DERA: variants seen among roughly 807,000 people sequenced by gnomAD.
DERA encodes the protein 2-deoxy-D-ribose 5-phosphate aldolase.
Under a neutral mutation model 41.1 loss-of-function variants are expected in DERA, and 15 were observed. The ratio of observed to expected loss-of-function variants is 0.37; its 90% confidence interval spans 0.24 to 0.56. The LOEUF is 0.56. Ranked by LOEUF, DERA falls within the 20% of genes least tolerant of loss-of-function variation. DERA has a pLI of 0.81. For synonymous variants in DERA, 139 were observed against 137.4 expected, an observed-to-expected ratio of 1.01 and a Z score of -0.08; for missense variants, 396 against 403.4, an observed-to-expected ratio of 0.98 and a Z score of 0.16.
At chr12:16,029,761 T>C (rs1272899704) in intron 6 of DERA, among the ~76,000 whole-genome samples, 1 of 152,020 alleles carries the variant, frequency 6.6e-6, no homozygotes, top group Non-Finnish European at 1.5e-5. Flanking sequence ...GTTGCTGCCA[T>C]AGTAGATCTT....
rs764511178 is a variant in DERA, at chr12:16,036,342, A to C, written c.861A>C (p.Arg287=). Residue 287 remains arginine (R), a synonymous_variant, in exon 8 of 9, where the codon CGA becomes CGC. Transcript: ENST00000428559. The surrounding 1 kb of genome is among the most constrained non-coding windows in gnomAD (Gnocchi z 4.9). The part of the protein sequence containing the change: ...GDEWLKPELF[R]IGASTLLSDI... ...AGTGGCTGAAGCCAGAACTCTTTCG[A>C]ATAGGTGCCAGTACTCTGCTCTCGG... The C allele has an allele frequency of 5.0e-6, 8 of 1,613,560 alleles. No individual in the cohort carries two copies. Among genetic ancestry groups the C allele is most frequent in the Non-Finnish European group, 6.8e-6 (8 of 1,179,672 alleles).
In DERA at chr12:15,994,082, A is replaced by G. The variant is rs980419213; in HGVS notation, c.637+11646A>G. 6.6e-6 allele frequency among the ~76,000 whole-genome samples: 1 copy of G among 152,370 alleles called. No individual in the cohort carries two copies. The highest frequency in any genetic ancestry group is 2.4e-5 in the African/African-American group (1 of 41,580). ...GAAATTGTGAAAAATGTAGCCCAAC[A>G]TATTCCAAAATCACAGAACTGCTTC... On this transcript the variant is annotated intron_variant, in intron 6 of 8. Transcript: ENST00000428559. This position sits in a 1 kb window ranked among gnomAD's most constrained non-coding sequence, Gnocchi z 4.8.
At position 16,011,208 on chromosome 12, in the gene DERA, A is replaced by G. The variant is rs994562246; in HGVS notation, c.638-21334A>G. The stretch of plus-strand genomic sequence containing the variant: ...AGAAAGCACAATCAAAAGGAAATTC[A>G]GTTGTTTAAAGCATATCTGGCTTAT... On this transcript the variant is annotated intron_variant, in intron 6 of 8. Coordinates refer to ENST00000428559, the MANE Select transcript of DERA (RefSeq NM_015954.4). This position sits in a 1 kb window ranked among gnomAD's most constrained non-coding sequence, Gnocchi z 4.7. Among the ~76,000 whole-genome samples the G allele has an allele frequency of 6.6e-6, 1 of 152,228 alleles. No individual in the cohort carries two copies. The highest frequency in any genetic ancestry group is 6.5e-5 in the Admixed American group (1 of 15,286).
At chr12:16,023,688 G>A (rs572097411) in intron 6 of DERA, among the ~76,000 whole-genome samples, 95 of 151,556 alleles carry the variant, frequency 6.3e-4, no homozygotes, top group Middle Eastern at 3.4e-3. Flanking sequence ...CGTTTTAGCC[G>A]GGATGGTCTC....
chr12:15,913,697 A>C lies in DERA; in HGVS notation c.31+2283A>C, dbSNP rs1948180294. Among the ~76,000 whole-genome samples, 1 of 152,198 alleles carries C rather than the reference A, an allele frequency of 6.6e-6. No homozygotes were observed. The highest frequency in any genetic ancestry group is 2.1e-4 in the South Asian group (1 of 4,828). ...AAAACATTGAGTTCCTTTGAGACTA[A>C]ACCTGACCCTCATGATTAAAAAGTC... On this transcript the variant is annotated intron_variant, in intron 1 of 8. Transcript: ENST00000428559. This position sits in a 1 kb window ranked among gnomAD's most constrained non-coding sequence, Gnocchi z 4.5.
In DERA at chr12:16,036,394, C is replaced by T. The variant is rs775970449; in HGVS notation, c.900+13C>T. Reference sequence around the variant, plus strand: ...CATTGAGAGGCAGGTGAGTAATCATCTCTGTCTTTGGAATAAATTAACAAG... The same window carrying T: ...CATTGAGAGGCAGGTGAGTAATCATTTCTGTCTTTGGAATAAATTAACAAG... On this transcript the variant is annotated intron_variant, in intron 8 of 8. Coordinates refer to ENST00000428559, the MANE Select transcript of DERA (RefSeq NM_015954.4). The surrounding 1 kb of genome is among the most constrained non-coding windows in gnomAD (Gnocchi z 4.9). 3.8e-6 allele frequency: 6 copies of T among 1,575,070 alleles called. No homozygotes were observed. The highest frequency in any genetic ancestry group is 5.2e-6 in the Non-Finnish European group (6 of 1,164,616).
rs968173930 is a variant in DERA, at chr12:16,008,290, T to C, written c.638-24252T>C. On this transcript the variant is annotated intron_variant, in intron 6 of 8. Transcript: ENST00000428559. This position sits in a 1 kb window ranked among gnomAD's most constrained non-coding sequence, Gnocchi z 4.8. Reference sequence around the variant, plus strand: ...TACTCCGTGGCTTCTCACTTTTAGCTTTTCCTAATATTTCCTAATAGCTTT... The same window carrying C: ...TACTCCGTGGCTTCTCACTTTTAGCCTTTCCTAATATTTCCTAATAGCTTT... 3.3e-5 allele frequency among the ~76,000 whole-genome samples: 5 copies of C among 152,252 alleles called. No homozygotes were observed. The highest frequency in any genetic ancestry group is 9.6e-5 in the African/African-American group (4 of 41,466).
rs1432552508 is a variant in DERA, at chr12:15,990,360, A to G, written c.637+7924A>G. On this transcript the variant is annotated intron_variant, in intron 6 of 8. Transcript: ENST00000428559. The surrounding 1 kb of genome is among the most constrained non-coding windows in gnomAD (Gnocchi z 4.3). ...AAAGAAAGGTACAAAAGAATGATTAATTGAGAATCACAATTAGATGTGGTC... is the reference window on the plus strand; with the variant it reads ...AAAGAAAGGTACAAAAGAATGATTAGTTGAGAATCACAATTAGATGTGGTC... Among the ~76,000 whole-genome samples the G allele has an allele frequency of 6.6e-6, 1 of 152,210 alleles. No individual in the cohort carries two copies. The highest frequency in any genetic ancestry group is 2.4e-5 in the African/African-American group (1 of 41,464).
chr12:15,956,961 A>G lies in DERA; in HGVS notation c.57A>G (p.Gln19=), dbSNP rs761913704. Residue 19 remains glutamine, a synonymous_variant, in exon 2 of 9, where the codon CAA becomes CAG. Transcript: ENST00000428559. ...ELDLSWISKI[Q]VNHPAVLRRA... The stretch of plus-strand genomic sequence containing the variant: ...ACCTTAGCTGGATCTCCAAAATACA[A>G]GTGAATCACCCGGCAGTTCTGAGGC... The G allele has an allele frequency of 3.7e-6, 6 of 1,613,832 alleles. No homozygotes were observed. In the African/African-American group the frequency reaches 6.7e-5, roughly 18 times the overall value.
At chr12:15,973,359 T>C (rs1592028254) in intron 5 of DERA, among the ~76,000 whole-genome samples, 2 of 152,348 alleles carry the variant, frequency 1.3e-5, no homozygotes, top group Admixed American at 1.3e-4. Flanking sequence ...TTTTGTTAAA[T>C]TTTGCATTAT....
At chr12:15,968,014 A>AT (rs751786917) in intron 5 of DERA, among the ~76,000 whole-genome samples, 4 of 151,684 alleles carry the variant, frequency 2.6e-5, no homozygotes, top group African/African-American at 7.3e-5. Context: ...CCTCCAGGTG[A>AT]TTTTGTTCTC....
chr12:16,029,384 G>A (rs535690370), intron 6 of DERA, among the ~76,000 whole-genome samples: 25 of 152,158 alleles, frequency 1.6e-4, no homozygotes, highest in Non-Finnish European at 3.4e-4. Flanking sequence ...CCGAGATCGC[G>A]CCACTGCACT....
chr12:16,019,098 A>G lies in DERA; in HGVS notation c.638-13444A>G, dbSNP rs139705669. ...GTTGGTAATTCAAAATGTAGCATTTATTTCTCTAAAGTAATTTCGTTTTAG... is the reference window on the plus strand; with the variant it reads ...GTTGGTAATTCAAAATGTAGCATTTGTTTCTCTAAAGTAATTTCGTTTTAG... On this transcript the variant is annotated intron_variant, in intron 6 of 8. Coordinates refer to ENST00000428559, the MANE Select transcript of DERA (RefSeq NM_015954.4). This position sits in a 1 kb window ranked among gnomAD's most constrained non-coding sequence, Gnocchi z 4.4. Among the ~76,000 whole-genome samples, 2 of 152,302 alleles carry G rather than the reference A, an allele frequency of 1.3e-5. No individual in the cohort carries two copies. Among genetic ancestry groups the G allele is most frequent in the African/African-American group, 4.8e-5 (2 of 41,572 alleles).
chr12:16,030,334 T>A (rs1052975708), intron 6 of DERA, among the ~76,000 whole-genome samples: 1 of 152,152 alleles, frequency 6.6e-6, no homozygotes, highest in South Asian at 2.1e-4. Context: ...AATCAAAAGA[T>A]GCCACATATT....
In DERA at chr12:15,983,425, C is replaced by T. The variant is rs999265294; in HGVS notation, c.637+989C>T. 8.5e-5 allele frequency among the ~76,000 whole-genome samples: 13 copies of T among 152,160 alleles called. No individual in the cohort carries two copies. Among genetic ancestry groups the T allele is most frequent in the African/African-American group, 2.4e-4 (10 of 41,432 alleles). The stretch of plus-strand genomic sequence containing the variant: ...CCATCCAACCTTTTGAGTCTTTGTA[C>T]GTTCTGTGCCTCCTGCCCGGAATGC... On this transcript the variant is annotated intron_variant, in intron 6 of 8. Transcript: ENST00000428559. The surrounding 1 kb of genome is among the most constrained non-coding windows in gnomAD (Gnocchi z 6.2).
chr12:15,912,460 A>G (rs553892006), intron 1 of DERA, among the ~76,000 whole-genome samples: 17 of 152,350 alleles, frequency 1.1e-4, no homozygotes, highest in African/African-American at 4.1e-4. Flanking sequence ...GTCTCGTTTA[A>G]GTATTATAGC....
At chr12:15,974,318 G>A (rs185000626) in intron 5 of DERA, among the ~76,000 whole-genome samples, 23 of 152,300 alleles carry the variant, frequency 1.5e-4, no homozygotes, top group Admixed American at 1.1e-3. Context: ...TTTATTAGGT[G>A]TAGTATCAGT....
At chr12:15,923,883 T>A (rs1948263928) in intron 1 of DERA, among the ~76,000 whole-genome samples, 1 of 152,186 alleles carries the variant, frequency 6.6e-6, no homozygotes, top group African/African-American at 2.4e-5. Context: ...TTTCTTGTTG[T>A]TTTTTCAAAT....
Position 15,970,265 on chromosome 12 carries a change from T to A in DERA, c.508+7318T>A, listed in dbSNP as rs1948650817. On this transcript the variant is annotated intron_variant, in intron 5 of 8. Coordinates refer to ENST00000428559, the MANE Select transcript of DERA (RefSeq NM_015954.4). This position sits in a 1 kb window ranked among gnomAD's most constrained non-coding sequence, Gnocchi z 4.3. ...TTTCTGATACTCAAAAAATAATTGC[T>A]TAGATATGTTCGTTAACAATTATTT... Among the ~76,000 whole-genome samples, 1 of 152,232 alleles carries A rather than the reference T, an allele frequency of 6.6e-6. No homozygotes were observed. Among genetic ancestry groups the A allele is most frequent in the African/African-American group, 2.4e-5 (1 of 41,460 alleles).
Sources: allele counts gnomAD v4.1 joint callset (sites outside exome capture counted in the v4.1 genomes callset), GRCh38; gene constraint gnomAD v4.1.1; non-coding constraint Gnocchi (gnomAD v3.1); transcripts MANE v1.5; gene names NCBI Gene and HGNC (gene_info 2026-07-23, HGNC 2026-07-21).